The following RARRES1 variants were observed in gnomAD, a reference collection of about 807,000 sequenced individuals.
The protein encoded by RARRES1 is retinoic acid receptor responder protein 1.
In RARRES1, 34 loss-of-function variants were observed where a neutral mutation model predicts 30.6. That is an observed-to-expected ratio of 1.11 (90% CI 0.84 to 1.48). The LOEUF is 1.48. Ranked by LOEUF, RARRES1 falls within the 40% of genes most tolerant of loss-of-function variation. The pLI, the probability that RARRES1 is intolerant of heterozygous loss-of-function variation, is 0.00. For synonymous variants in RARRES1, 153 were observed against 155.5 expected, an observed-to-expected ratio of 0.98 and a Z score of 0.12; for missense variants, 373 against 386.5, an observed-to-expected ratio of 0.97 and a Z score of 0.29.
chr3:158,704,262 T>TCA (rs1230968696), intron 4 of RARRES1, among the ~76,000 whole-genome samples: 2 of 126,102 alleles, frequency 1.6e-5, no homozygotes, highest in African/African-American at 2.9e-5. Flanking sequence ...AGATGGCATC[T>TCA]CACTCTGTTG....
chr3:158,697,416 C>T lies in RARRES1; in HGVS notation c.*262G>A. On this transcript the variant is annotated 3_prime_UTR_variant, in exon 6 of 6. Coordinates refer to ENST00000237696, the MANE Select transcript of RARRES1 (RefSeq NM_206963.2). Reference sequence around the variant, plus strand: ...ACATACACTGATTATCCAGGTTTTACATTTTAGGGCTGAAACCCTGAGGAA... The same window carrying T: ...ACATACACTGATTATCCAGGTTTTATATTTTAGGGCTGAAACCCTGAGGAA... 3.1e-6 allele frequency: 1 copy of T among 319,468 alleles called. No individual in the cohort carries two copies. The highest frequency in any genetic ancestry group is 5.7e-6 in the Non-Finnish European group (1 of 176,246). 19.8% of individuals were successfully genotyped at this position (319,468 alleles called of 1,614,324 possible).
intron 1 of RARRES1, among the ~76,000 whole-genome samples, chr3:158,715,026 A>T (rs1727278119): frequency 6.6e-6 from 1 of 152,188 alleles, no homozygotes; most frequent in South Asian, 2.1e-4. Flanking sequence ...ACATGTACAG[A>T]TGTTGCTGGG....
rs6786653 is a variant in RARRES1 at position 158,725,288 on chromosome 3, C to G, written c.276+6852G>C. ...ACCATCCAAAAAGGCAAATAAATGC[C>G]GAGGTCACATAAGTGTCATACATCT... On this transcript the variant is annotated intron_variant, in intron 1 of 5. Transcript: ENST00000237696. Among the ~76,000 whole-genome samples the G allele has an allele frequency of 3.0e-3, 462 of 152,246 alleles. 2 individuals are homozygous for G. The highest frequency in any genetic ancestry group is 0.011 in the African/African-American group (445 of 41,546).
intron 1 of RARRES1, among the ~76,000 whole-genome samples, chr3:158,725,825 A>G (rs1727667204): frequency 6.6e-6 from 1 of 152,190 alleles, no homozygotes; most frequent in African/African-American, 2.4e-5. Flanking sequence ...CAGAGTCTGC[A>G]GACCGGATGG....
chr3:158,712,351 A>C (rs1418277258), intron 2 of RARRES1, among the ~76,000 whole-genome samples: 1 of 152,194 alleles, frequency 6.6e-6, no homozygotes, highest in East Asian at 1.9e-4. Flanking sequence ...TGATCATCGC[A>C]CTTCCCTCCA....
intron 1 of RARRES1, among the ~76,000 whole-genome samples, chr3:158,722,881 C>CAAAAA (rs140630533): frequency 9.1e-6 from 1 of 110,102 alleles, no homozygotes; most frequent in Non-Finnish European, 1.8e-5. Flanking sequence ...GACTCCATCT[C>CAAAAA]AAAAAAAAAA....
intron 1 of RARRES1, among the ~76,000 whole-genome samples, chr3:158,731,312 GT>G (rs1727878953): frequency 6.6e-6 from 1 of 152,182 alleles, no homozygotes; most frequent in South Asian, 2.1e-4. Context: ...TTGAGGCCGT[GT>G]GTCTGCAGGC....
chr3:158,728,863 A>G (rs868046310), intron 1 of RARRES1, among the ~76,000 whole-genome samples: 14 of 152,184 alleles, frequency 9.2e-5, no homozygotes, highest in African/African-American at 3.4e-4. Flanking sequence ...TGCTCTTATA[A>G]TGGAGGCAGG....
At chr3:158,714,378 G>C (rs889092891) in intron 1 of RARRES1, among the ~76,000 whole-genome samples, 1 of 152,166 alleles carries the variant, frequency 6.6e-6, no homozygotes, top group African/African-American at 2.4e-5. Context: ...TTGGCACGAG[G>C]CGATCTCAAA....
intron 1 of RARRES1, among the ~76,000 whole-genome samples, chr3:158,717,028 C>T (rs912320464): frequency 7.9e-5 from 12 of 152,256 alleles, no homozygotes; most frequent in South Asian, 2.1e-4. Flanking sequence ...ACAAGAGCCC[C>T]GTGCTGTTTT....
Position 158,697,697 on chromosome 3 carries a change from GT to G in RARRES1, c.865del (p.Thr289GlnfsTer11). The G allele has an allele frequency of 3.7e-6, 6 of 1,612,842 alleles. No individual in the cohort carries two copies. The South Asian group carries it at 6.6e-5, about 18-fold the overall frequency. On this transcript the variant is annotated frameshift_variant, in exon 6 of 6. Coordinates refer to ENST00000237696, the MANE Select transcript of RARRES1 (RefSeq NM_206963.2). LOFTEE classifies it high-confidence loss of function. ...TTCTTTTTAGAAATTACTAAGCTCT[GT>G]TGGTACTACAGCTGATCCTTCTTCA... ...GTEEGSAVVP[T>X]ELSNF
intron 3 of RARRES1, among the ~76,000 whole-genome samples, chr3:158,708,153 ACT>A (rs1380285468): frequency 6.6e-6 from 1 of 151,994 alleles, no homozygotes; most frequent in Non-Finnish European, 1.5e-5. Context: ...GTAATACAAG[ACT>A]CTGAATTCAA....
chr3:158,720,857 C>T (rs981002315), intron 1 of RARRES1, among the ~76,000 whole-genome samples: 5 of 152,140 alleles, frequency 3.3e-5, no homozygotes, highest in African/African-American at 4.8e-5. Context: ...CATTCTAATC[C>T]AGTATGACCT....
intron 1 of RARRES1, among the ~76,000 whole-genome samples, chr3:158,731,837 G>A (rs1382454308): frequency 6.6e-6 from 1 of 152,234 alleles, no homozygotes. Flanking sequence ...ATTTCCCAAA[G>A]CATCTCTTTC....
Position 158,710,856 on chromosome 3 carries a change from TG to T in RARRES1, c.416del (p.Pro139GlnfsTer5). The T allele has an allele frequency of 6.2e-7, 1 of 1,613,874 alleles. No individual in the cohort carries two copies. Among genetic ancestry groups the T allele is most frequent in the Non-Finnish European group, 8.5e-7 (1 of 1,179,716 alleles). On this transcript the variant is annotated frameshift_variant, in exon 3 of 6. Coordinates refer to ENST00000237696, the MANE Select transcript of RARRES1 (RefSeq NM_206963.2). LOFTEE classifies it high-confidence loss of function. ...RVFFKNQKPR[P>X]TINVTCTRLI... ...GCCGTGTACAAGTTACATTGATGGT[TG>T]GTCTGGGTTTCTGATTCTTGAAAAA...
rs112260536 is a variant in RARRES1 at position 158,730,763 on chromosome 3, T to G, written c.276+1377A>C. On this transcript the variant is annotated intron_variant, in intron 1 of 5. Transcript: ENST00000237696. Reference sequence around the variant, plus strand: ...CACCATGCCCCAGCAGGTTGCCTTTTTCTTTATTATTTTATTTTATTTTAT... The same window carrying G: ...CACCATGCCCCAGCAGGTTGCCTTTGTCTTTATTATTTTATTTTATTTTAT... Among the ~76,000 whole-genome samples, 6 of 151,516 alleles carry G rather than the reference T, an allele frequency of 4.0e-5. No homozygotes were observed. The East Asian group carries it at 9.7e-4, about 24-fold the overall frequency.
In RARRES1 at chr3:158,732,294, C is replaced by T. The variant is rs1727934549; in HGVS notation, c.122G>A (p.Gly41Glu). 1.5e-6 allele frequency: 2 copies of T among 1,344,388 alleles called. No homozygotes were observed. Among genetic ancestry groups the T allele is most frequent in the Non-Finnish European group, 1.9e-6 (2 of 1,057,708 alleles). The allele number at this position is 1,344,388 out of a possible 1,614,324, so 83.3% of individuals were successfully genotyped here. The stretch of plus-strand genomic sequence containing the variant: ...AGGCTGCCCAGGGTCGTCGGGGTCC[C>T]CGGACCCCGCGGGCGCCGCCACCGG... ...LAPVAAPAGS[G>E]DPDDPGQPQD... Residue 41 changes from glycine to glutamate, a missense_variant, in exon 1 of 6, where the codon GGG becomes GAG. Gly to Glu is a moderately conservative substitution (Grantham distance 98). Coordinates refer to ENST00000237696, the MANE Select transcript of RARRES1 (RefSeq NM_206963.2).
At chr3:158,704,662 C>T in intron 4 of RARRES1, 129 bp downstream of exon 4, 8 of 1,371,968 alleles carry the variant, frequency 5.8e-6, no homozygotes, top group Non-Finnish European at 7.7e-6. Context: ...TGCAGGAACT[C>T]ACATATTTAT....
chr3:158,721,902 AC>A (rs1445164712), intron 1 of RARRES1, among the ~76,000 whole-genome samples: 1 of 152,020 alleles, frequency 6.6e-6, no homozygotes, highest in Admixed American at 6.5e-5. Context: ...GACCAGCCTG[AC>A]CAACATGGAG....
Sources: gnomAD v4.1 joint callset for allele counts (sites outside exome capture counted in the v4.1 genomes callset) on GRCh38, gnomAD v4.1.1 for gene constraint, MANE v1.5 for transcripts, NCBI Gene and HGNC (gene_info 2026-07-23, HGNC 2026-07-21) for gene names.